MALT1: variants seen among roughly 807,000 people sequenced by gnomAD.
MALT1 encodes MALT1 paracaspase, also known as mucosa-associated lymphoid tissue lymphoma translocation protein 1.
In MALT1, 36 loss-of-function variants were observed where a neutral mutation model predicts 85.5. The observed-to-expected ratio is 0.42, with a 90% CI of 0.32 to 0.56. The LOEUF is 0.56. Ranked by LOEUF, MALT1 falls within the 20% of genes least tolerant of loss-of-function variation. The pLI, the probability that MALT1 is intolerant of heterozygous loss-of-function variation, is 0.10. For missense variants in MALT1, 716 were observed against 981.6 expected (o/e 0.73, Z 3.62); for synonymous variants, 359 against 361.3 (o/e 0.99, Z 0.07).
At chr18:58,672,309 G>A (rs1485261505) in intron 1 of MALT1, 1 of 155,096 alleles carries the variant, frequency 6.4e-6, no homozygotes, top group Admixed American at 6.5e-5. Flanking sequence ...AGAGGGTGGG[G>A]TGCAGGAATT....
chr18:58,745,887 A>C (rs2055359760), intron 16 of MALT1, 96 bp downstream of exon 16: 3 of 1,132,052 alleles, frequency 2.7e-6, no homozygotes, highest in Non-Finnish European at 3.8e-6. Context: ...CTTATTATTA[A>C]AGTAGAGATA....
intron 10 of MALT1, among the ~76,000 whole-genome samples, chr18:58,727,626 T>TG (rs1375645745): frequency 5.4e-4 from 68 of 126,000 alleles, no homozygotes; most frequent in Middle Eastern, 7.4e-3. Context: ...GTTTTTTTTT[T>TG]TGTTTTTTTT....
At chr18:58,683,146 A>G (rs2054347585) in intron 2 of MALT1, among the ~76,000 whole-genome samples, 1 of 152,320 alleles carries the variant, frequency 6.6e-6, no homozygotes, top group South Asian at 2.1e-4. Context: ...GAAATCTACT[A>G]GTCTAGGTTT....
intron 11 of MALT1, 25 bp from the exon 12 acceptor site, chr18:58,734,282 G>A (rs1232436521): frequency 6.6e-7 from 1 of 1,511,094 alleles, no homozygotes; most frequent in Non-Finnish European, 9.2e-7. Context: ...ATTTCTATCT[G>A]CCCTCCTCCG....
At chr18:58,732,470 C>A (rs1401464956) in intron 10 of MALT1, among the ~76,000 whole-genome samples, 1 of 152,068 alleles carries the variant, frequency 6.6e-6, no homozygotes, top group Non-Finnish European at 1.5e-5. Context: ...ATATTTATAT[C>A]TCATAGCAAA....
intron 1 of MALT1, chr18:58,674,102 G>A (rs1252487591): frequency 6.6e-6 from 1 of 152,136 alleles, no homozygotes; most frequent in East Asian, 1.9e-4. Flanking sequence ...CCTGAAGAAA[G>A]CCAGGTATGG....
chr18:58,672,766 C>T (rs1351822793), intron 1 of MALT1: 1 of 152,186 alleles, frequency 6.6e-6, no homozygotes, highest in Non-Finnish European at 1.5e-5. Context: ...AATGTCTTGG[C>T]TTAATCACAG....
intron 3 of MALT1, among the ~76,000 whole-genome samples, chr18:58,699,122 CA>C (rs1298239270): frequency 1.3e-5 from 2 of 152,182 alleles, no homozygotes; most frequent in Non-Finnish European, 2.9e-5. Context: ...TGGGTCTCCA[CA>C]GATCTTCAGC....
chr18:58,683,741 C>A (rs886376405), intron 2 of MALT1, among the ~76,000 whole-genome samples: 4 of 152,184 alleles, frequency 2.6e-5, no homozygotes, highest in Non-Finnish European at 5.9e-5. Context: ...TAGCACTTTT[C>A]TATCAGTGTT....
At chr18:58,694,822 T>C (rs1232321334) in intron 2 of MALT1, among the ~76,000 whole-genome samples, 2 of 152,198 alleles carry the variant, frequency 1.3e-5, no homozygotes, top group African/African-American at 4.8e-5. Flanking sequence ...TTCCCCAGGG[T>C]TGGAGGATCT....
intron 13 of MALT1, among the ~76,000 whole-genome samples, chr18:58,737,024 G>A (rs1233191831): frequency 6.6e-6 from 1 of 152,098 alleles, no homozygotes; most frequent in Non-Finnish European, 1.5e-5. Flanking sequence ...TCTCCCTTTG[G>A]ATCTTCCAGA....
chr18:58,740,167 C>G (rs1342391770), intron 13 of MALT1, among the ~76,000 whole-genome samples: 1 of 152,166 alleles, frequency 6.6e-6, no homozygotes, highest in Non-Finnish European at 1.5e-5. Context: ...ATTCTTTAAT[C>G]TCTGCCTTAT....
intron 10 of MALT1, among the ~76,000 whole-genome samples, chr18:58,731,374 G>A (rs757370701): frequency 3.3e-5 from 5 of 152,154 alleles, no homozygotes; most frequent in Non-Finnish European, 7.3e-5. Context: ...CACTTTACCT[G>A]ATCTTCGTGG....
intron 3 of MALT1, among the ~76,000 whole-genome samples, chr18:58,698,318 G>T (rs1469892762): frequency 6.6e-6 from 1 of 152,084 alleles, no homozygotes; most frequent in Non-Finnish European, 1.5e-5. Context: ...GCCTGCCTCA[G>T]CCTCCCAAAG....
intron 7 of MALT1, among the ~76,000 whole-genome samples, 174 bp downstream of exon 7, chr18:58,711,127 A>G (rs572251115): frequency 6.6e-6 from 1 of 152,352 alleles, no homozygotes; most frequent in East Asian, 1.9e-4. Flanking sequence ...ATGGACAGAC[A>G]TGATTAAATT....
chr18:58,671,556 CTCGG>C lies in MALT1; in HGVS notation c.-87_-84del. The C allele has an allele frequency of 1.1e-6, 1 of 891,602 alleles. No homozygotes were observed. The highest frequency in any genetic ancestry group is 1.5e-6 in the Non-Finnish European group (1 of 685,052). The allele number at this position is 891,602 out of a possible 1,614,324, so 55.2% of individuals were successfully genotyped here. On this transcript the variant is annotated 5_prime_UTR_variant, in exon 1 of 17. Transcript: ENST00000649217. The stretch of plus-strand genomic sequence containing the variant: ...TGTTCTTCCGCCCCTGCCTCCGCGG[CTCGG>C]AGGCGAGCGGAAGGTGCCCCGGGGC...
intron 16 of MALT1, 47 bp from the exon 17 acceptor site, chr18:58,747,358 T>G: frequency 3.4e-6 from 4 of 1,173,462 alleles, no homozygotes; most frequent in Non-Finnish European, 5.0e-6. Context: ...GATTGATATA[T>G]ATTCACTGTT....
rs181901226 is a variant in MALT1 at position 58,734,301 on chromosome 18, A to C, written c.1401-6A>C. The C allele has an allele frequency of 8.3e-5, 133 of 1,607,256 alleles. No individual in the cohort carries two copies. In the African/African-American group the frequency reaches 1.5e-3, roughly 18 times the overall value. ...CTATCTGCCCTCCTCCGCCTCCCTT[A>C]AATAGAAATGACTACGATGATACCA... On this transcript the variant is annotated splice_polypyrimidine_tract_variant and splice_region_variant and intron_variant, in intron 11 of 16. Transcript: ENST00000649217.
At chr18:58,727,485 T>C (rs1205304406) in intron 10 of MALT1, among the ~76,000 whole-genome samples, 4 of 152,174 alleles carry the variant, frequency 2.6e-5, no homozygotes, top group African/African-American at 9.7e-5. Context: ...TTTGTATTTT[T>C]AGTAGAGACA....
Sources: gnomAD v4.1 joint callset for allele counts (sites outside exome capture counted in the v4.1 genomes callset) on GRCh38, gnomAD v4.1.1 for gene constraint, MANE v1.5 for transcripts, NCBI Gene and HGNC (gene_info 2026-07-23, HGNC 2026-07-21) for gene names.